The following UGT1A10 variants were observed in gnomAD, a reference collection of about 807,000 sequenced individuals.
UGT1A10 encodes the protein UDP-glucuronosyltransferase 1A10.
In UGT1A10, 49 loss-of-function variants were observed where a neutral mutation model predicts 45.8. The observed-to-expected ratio is 1.07, with a 90% CI of 0.85 to 1.36. UGT1A10 has a LOEUF of 1.36. Ranked by LOEUF, UGT1A10 falls within the 40% of genes most tolerant of loss-of-function variation. The pLI, the probability that UGT1A10 is intolerant of heterozygous loss-of-function variation, is 0.00. For synonymous variants in UGT1A10, 284 were observed against 249.7 expected (o/e 1.14, Z -1.29); for missense variants, 745 against 668.6 (o/e 1.11, Z -1.26).
chr2:233,748,518 A>T lies in UGT1A10; in HGVS notation c.856-18516A>T, dbSNP rs151219324. Among the ~76,000 whole-genome samples the T allele has an allele frequency of 4.6e-3, 699 of 151,972 alleles. 22 individuals carry two copies. The highest frequency in any genetic ancestry group is 0.016 in the African/African-American group (660 of 41,240). Reference sequence around the variant, plus strand: ...TAATTTTTAGTGGTCCTGTCTTGCGAATGATAGAGAGGTGACCACAGGAGA... The same window carrying T: ...TAATTTTTAGTGGTCCTGTCTTGCGTATGATAGAGAGGTGACCACAGGAGA... On this transcript the variant is annotated intron_variant, in intron 1 of 4. Coordinates refer to ENST00000344644, the MANE Select transcript of UGT1A10 (RefSeq NM_019075.4).
intron 1 of UGT1A10, chr2:233,729,371 T>A (rs1158869339): frequency 1.2e-6 from 2 of 1,613,978 alleles, no homozygotes; most frequent in Non-Finnish European, 1.7e-6. Flanking sequence ...ACCTATGCCA[T>A]TTCGTGGACC....
At chr2:233,749,912 GT>G (rs559529572) in intron 1 of UGT1A10, among the ~76,000 whole-genome samples, 2 of 151,864 alleles carry the variant, frequency 1.3e-5, no homozygotes, top group African/African-American at 4.9e-5. Context: ...ACCTGGAACT[GT>G]GAGTCAATTA....
At chr2:233,643,569 A>G (rs2073517411) in intron 1 of UGT1A10, among the ~76,000 whole-genome samples, 1 of 152,082 alleles carries the variant, frequency 6.6e-6, no homozygotes, top group Non-Finnish European at 1.5e-5. Flanking sequence ...TACCTAAGTT[A>G]TAAGGCAAAG....
At chr2:233,675,105 G>A (rs1005583841) in intron 1 of UGT1A10, among the ~76,000 whole-genome samples, 1 of 152,044 alleles carries the variant, frequency 6.6e-6, no homozygotes, top group Non-Finnish European at 1.5e-5. Flanking sequence ...GGATTTTCTT[G>A]AAGGTCTCCT....
At position 233,638,132 on chromosome 2, in the gene UGT1A10, T is replaced by C. The variant is rs558962426; in HGVS notation, c.855+755T>C. ...CAGGGTTTTCCTGAATTGAGAAGAC[T>C]GGCATCTTTTTGCTATTAAGTCTTC... On this transcript the variant is annotated intron_variant, in intron 1 of 4. Coordinates refer to ENST00000344644, the MANE Select transcript of UGT1A10 (RefSeq NM_019075.4). Among the ~76,000 whole-genome samples the C allele has an allele frequency of 3.3e-5, 5 of 152,336 alleles. No homozygotes were observed. In the East Asian group the frequency reaches 9.6e-4, roughly 29 times the overall value.
chr2:233,760,870 A>G lies in UGT1A10; in HGVS notation c.856-6164A>G, dbSNP rs761998591. Reference sequence around the variant, plus strand: ...CCCCAACCCATTCTCCTACGTGCCCAGGCCTCTCTCCTCTCATTCAGATCA... The same window carrying G: ...CCCCAACCCATTCTCCTACGTGCCCGGGCCTCTCTCCTCTCATTCAGATCA... On this transcript the variant is annotated intron_variant, in intron 1 of 4. Transcript: ENST00000344644. 2.5e-6 allele frequency: 4 copies of G among 1,614,048 alleles called. No individual in the cohort carries two copies. Among genetic ancestry groups the G allele is most frequent in the Admixed American group, 3.3e-5 (2 of 60,002 alleles).
At chr2:233,646,047 A>T (rs948095328) in intron 1 of UGT1A10, among the ~76,000 whole-genome samples, 3 of 152,190 alleles carry the variant, frequency 2.0e-5, no homozygotes, top group African/African-American at 7.2e-5. Context: ...AGAGGTTCCC[A>T]AACCTCAATT....
At chr2:233,699,279 C>A (rs2075495770) in intron 1 of UGT1A10, among the ~76,000 whole-genome samples, 1 of 152,096 alleles carries the variant, frequency 6.6e-6, no homozygotes, top group African/African-American at 2.4e-5. Context: ...TGAATCCAGG[C>A]CAGATGCTGG....
chr2:233,757,567 T>TATATATATATATATATA (rs1553619947), intron 1 of UGT1A10, among the ~76,000 whole-genome samples: 5 of 142,918 alleles, frequency 3.5e-5, no homozygotes, highest in Non-Finnish European at 7.6e-5. Context: ...TATATGTATA[T>TATATATATATATATATA]ATGATATAGC....
intron 1 of UGT1A10, among the ~76,000 whole-genome samples, chr2:233,724,129 T>A (rs2077172457): frequency 8.6e-6 from 1 of 116,454 alleles, no homozygotes. Context: ...GCCCCTCACC[T>A]CCCGGACGGG....
chr2:233,637,667 C>T lies in UGT1A10; in HGVS notation c.855+290C>T, dbSNP rs181922328. Among the ~76,000 whole-genome samples the T allele has an allele frequency of 2.1e-3, 323 of 152,142 alleles. 1 individual carries two copies. The highest frequency in any genetic ancestry group is 3.6e-3 in the Non-Finnish European group (246 of 67,986). ...AAACCACAGCAAGAAATGAAACTTC[C>T]GTTTTTTGTTAATTCTATGTGACCC... On this transcript the variant is annotated intron_variant, in intron 1 of 4. Transcript: ENST00000344644.
intron 1 of UGT1A10, among the ~76,000 whole-genome samples, chr2:233,697,933 GA>G (rs1406564471): frequency 6.6e-6 from 1 of 152,062 alleles, no homozygotes; most frequent in Non-Finnish European, 1.5e-5. Flanking sequence ...TAGGGTATTG[GA>G]AAAAAGTAAA....
chr2:233,669,500 A>G (rs961717479), intron 1 of UGT1A10, among the ~76,000 whole-genome samples: 9 of 152,158 alleles, frequency 5.9e-5, no homozygotes, highest in Admixed American at 2.6e-4. Flanking sequence ...TCAGTGTACA[A>G]TCTTTCACAT....
chr2:233,713,546 A>G, intron 1 of UGT1A10: 1 of 1,613,984 alleles, frequency 6.2e-7, no homozygotes, highest in South Asian at 1.1e-5. Context: ...TTAAGGGCAC[A>G]CAGTGTCCAA....
At chr2:233,648,882 A>G in intron 1 of UGT1A10, 1 of 1,285,402 alleles carries the variant, frequency 7.8e-7, no homozygotes, top group Non-Finnish European at 1.1e-6. Flanking sequence ...TTCTCCAAAC[A>G]CCTGTCATGG....
intron 1 of UGT1A10, among the ~76,000 whole-genome samples, chr2:233,662,289 A>T (rs1463569872): frequency 6.6e-6 from 1 of 152,178 alleles, no homozygotes; most frequent in Non-Finnish European, 1.5e-5. Context: ...CATTCCTGAC[A>T]TACTCAAGTT....
At chr2:233,734,961 G>T (rs2078591485) in intron 1 of UGT1A10, among the ~76,000 whole-genome samples, 1 of 152,202 alleles carries the variant, frequency 6.6e-6, no homozygotes, top group South Asian at 2.1e-4. Flanking sequence ...GAATAAGTGT[G>T]ATGTGGTGCT....
rs1699778109 is a variant in UGT1A10 at position 233,769,042 on chromosome 2, T to C, written c.1295+603T>C. Reference sequence around the variant, plus strand: ...AAAAGTTGCCATAATAGACATCTGATCCATAAGTTTCCTGCACAGAAAGAA... The same window carrying C: ...AAAAGTTGCCATAATAGACATCTGACCCATAAGTTTCCTGCACAGAAAGAA... On this transcript the variant is annotated intron_variant, in intron 4 of 4. Transcript: ENST00000344644. This position sits in a 1 kb window ranked among gnomAD's most constrained non-coding sequence, Gnocchi z 4.4. 1.3e-5 allele frequency among the ~76,000 whole-genome samples: 2 copies of C among 152,190 alleles called. No individual in the cohort carries two copies. The highest frequency in any genetic ancestry group is 2.9e-5 in the Non-Finnish European group (2 of 68,040).
intron 1 of UGT1A10, among the ~76,000 whole-genome samples, chr2:233,699,961 C>T (rs767671450): frequency 6.6e-6 from 1 of 152,132 alleles, no homozygotes; most frequent in Non-Finnish European, 1.5e-5. Flanking sequence ...GTGAAAAATA[C>T]CCGTCCCCCA....
Sources: allele counts gnomAD v4.1 joint callset (sites outside exome capture counted in the v4.1 genomes callset), GRCh38; gene constraint gnomAD v4.1.1; non-coding constraint Gnocchi (gnomAD v3.1); transcripts MANE v1.5; gene names NCBI Gene and HGNC (gene_info 2026-07-23, HGNC 2026-07-21).